Variants in THOC2 observed in about 807,000 individuals in gnomAD.
THOC2 encodes THO complex subunit 2.
In THOC2, 10 loss-of-function variants were observed where a neutral mutation model predicts 128.4. That is an observed-to-expected ratio of 0.08 (90% CI 0.05 to 0.13). The LOEUF is 0.13. Among genes scored for constraint, THOC2 ranks in the 10% least tolerant of loss-of-function variants. The pLI is 1.00. For synonymous variants in THOC2, 393 were observed against 396.9 expected (o/e 0.99, Z 0.12); for missense variants, 535 against 1,155.7 (o/e 0.46, Z 7.79).
intron 25 of THOC2, 26 bp from the exon 26 acceptor site, chrX:123,624,695 T>A (rs780978494): frequency 8.5e-7 from 1 of 1,174,499 alleles, no homozygotes; most frequent in Non-Finnish European, 1.2e-6. Flanking sequence ...GTTTAAAAAA[T>A]ATAAACAAAT....
chrX:123,704,042 GT>G (rs1928814726), intron 3 of THOC2, among the ~76,000 whole-genome samples: 1 of 110,829 alleles, frequency 9.0e-6, no homozygotes, highest in South Asian at 3.7e-4. Context: ...TGCAAAAAAT[GT>G]TTAAATGTCT....
At chrX:123,664,711 G>A (rs904266936) in intron 12 of THOC2, among the ~76,000 whole-genome samples, 1 of 111,830 alleles carries the variant, frequency 8.9e-6, no homozygotes, top group Non-Finnish European at 1.9e-5. Context: ...AACAGGTGCT[G>A]GAGAGGAGGT....
At position 123,613,451 on chromosome X, in the gene THOC2, C is replaced by G. The variant is rs2147547261; in HGVS notation, c.4625G>C (p.Ser1542Thr). The change falls in exon 36 of 39, where the codon AGT (serine) becomes ACT (threonine). Residue 1542 changes from serine (S) to threonine (T), a missense_variant. Around this residue, in one of 9 missense-constraint regions of THOC2, gnomAD observed 39 missense variants for 93.1 expected, o/e 0.42. Coordinates refer to ENST00000245838, the MANE Select transcript of THOC2 (RefSeq NM_001081550.2). ...CATCTTCTCAGATTTAAATGAATCA[C>G]TGCCTTTTTCTTTGCCTGAAGATTT... is the stretch of plus-strand genomic sequence containing the variant. Reference protein sequence around the residue: ...KSKSSGKEKGSDSFKSEKMDK... With the variant: ...KSKSSGKEKGTDSFKSEKMDK... The G allele has an allele frequency of 8.3e-7, 1 of 1,209,703 alleles. No individual in the cohort carries two copies. Among genetic ancestry groups the G allele is most frequent in the Non-Finnish European group, 1.1e-6 (1 of 894,022 alleles).
intron 2 of THOC2, among the ~76,000 whole-genome samples, chrX:123,712,313 C>T (rs965420775): frequency 9.0e-5 from 10 of 111,612 alleles, no homozygotes; most frequent in Non-Finnish European, 1.5e-4. Context: ...TCCTTTGAAA[C>T]TAAAGTTACT....
chrX:123,732,382 C>T (rs2052305259), intron 1 of THOC2, among the ~76,000 whole-genome samples: 1 of 112,614 alleles, frequency 8.9e-6, no homozygotes, highest in Non-Finnish European at 1.9e-5. Context: ...AGTCGAGAGA[C>T]CGCTCCCCGG....
intron 17 of THOC2, 152 bp from the exon 18 acceptor site, chrX:123,638,275 GA>G (rs1468915775): frequency 7.7e-6 from 3 of 389,526 alleles, no homozygotes; most frequent in African/African-American, 2.6e-5. Flanking sequence ...ACTAATTATT[GA>G]AAAATACACT....
chrX:123,638,646 A>C (rs931486646), intron 17 of THOC2, among the ~76,000 whole-genome samples: 2 of 109,245 alleles, frequency 1.8e-5, no homozygotes, highest in Non-Finnish European at 3.8e-5. Flanking sequence ...GAGACAGAGC[A>C]AAAGTCTGTC....
intron 16 of THOC2, among the ~76,000 whole-genome samples, chrX:123,639,952 G>A (rs965550248): frequency 1.8e-5 from 2 of 111,866 alleles, no homozygotes; most frequent in African/African-American, 3.2e-5. Flanking sequence ...TTGGGAGGTC[G>A]AGGTGGATGG....
intron 4 of THOC2, among the ~76,000 whole-genome samples, chrX:123,701,324 C>T (rs2050693953): frequency 8.9e-6 from 1 of 112,489 alleles, no homozygotes; most frequent in Admixed American, 9.4e-5. Context: ...CCACTGCACT[C>T]AGTCTGGGCA....
At chrX:123,602,185 C>G (rs2046306111) in intron 38 of THOC2, 1 of 112,633 alleles carries the variant, frequency 8.9e-6, no homozygotes, top group Non-Finnish European at 1.9e-5. Context: ...AAAATAATCA[C>G]TTACATGAAA....
At chrX:123,630,860 G>T (rs748772542) in intron 22 of THOC2, among the ~76,000 whole-genome samples, 1 of 111,896 alleles carries the variant, frequency 8.9e-6, no homozygotes, top group South Asian at 3.8e-4. Context: ...AGAGTGGCAT[G>T]CTGCCTACAG....
At chrX:123,678,762 G>T (rs1475473476) in intron 8 of THOC2, among the ~76,000 whole-genome samples, 1 of 109,935 alleles carries the variant, frequency 9.1e-6, no homozygotes, top group African/African-American at 3.3e-5. Context: ...TCATTGTGCA[G>T]CACATAACTG....
intron 33 of THOC2, among the ~76,000 whole-genome samples, chrX:123,615,536 A>G (rs2046855735): frequency 9.1e-6 from 1 of 109,757 alleles, no homozygotes; most frequent in Non-Finnish European, 1.9e-5. Context: ...TCTAATCGTG[A>G]GGTTTATTCA....
rs182600654 is a variant in THOC2, at chrX:123,666,111, A to C, written c.1191-274T>G. ...TGTTCCAAATTAACTGCTTAATCAG[A>C]GAAGTGTGGATTTCAAGGAACATTT... On this transcript the variant is annotated intron_variant, in intron 11 of 38. Coordinates refer to ENST00000245838, the MANE Select transcript of THOC2 (RefSeq NM_001081550.2). 6.4e-4 allele frequency among the ~76,000 whole-genome samples: 72 copies of C among 112,007 alleles called. 1 individual carries two copies. In the Admixed American group the frequency reaches 6.7e-3, roughly 10 times the overall value.
chrX:123,604,904 G>A (rs766739501), intron 38 of THOC2, among the ~76,000 whole-genome samples: 12 of 111,676 alleles, frequency 1.1e-4, no homozygotes, highest in East Asian at 8.4e-4. Flanking sequence ...TCATTCTCTC[G>A]TTCTTTTCAC....
intron 4 of THOC2, among the ~76,000 whole-genome samples, chrX:123,699,522 T>G (rs1569433470): frequency 8.9e-6 from 1 of 111,960 alleles, no homozygotes; most frequent in Non-Finnish European, 1.9e-5. Context: ...CTATCTGGTT[T>G]TCTGGTCCCT....
At chrX:123,712,365 A>C (rs2147952873) in intron 2 of THOC2, among the ~76,000 whole-genome samples, 1 of 112,069 alleles carries the variant, frequency 8.9e-6, no homozygotes, top group African/African-American at 3.2e-5. Flanking sequence ...TATTTCATTT[A>C]ATAAATCATA....
intron 31 of THOC2, 26 bp from the exon 32 acceptor site, chrX:123,620,991 G>C: frequency 8.3e-7 from 1 of 1,197,618 alleles, no homozygotes; most frequent in South Asian, 1.8e-5. Flanking sequence ...GAAATAGTCA[G>C]AATAAGGTAC....
intron 1 of THOC2, among the ~76,000 whole-genome samples, chrX:123,725,370 G>A (rs1255023574): frequency 9.9e-6 from 1 of 101,394 alleles, no homozygotes; most frequent in African/African-American, 3.7e-5. Flanking sequence ...GATCACTTGA[G>A]CACAGGAGTA....
Sources: allele counts gnomAD v4.1 joint callset (sites outside exome capture counted in the v4.1 genomes callset), GRCh38; gene constraint gnomAD v4.1.1; regional missense constraint gnomAD v4.1.1; transcripts MANE v1.5; gene names NCBI Gene and HGNC (gene_info 2026-07-23, HGNC 2026-07-21).